SLC25A31: variants seen among roughly 807,000 people sequenced by gnomAD.
SLC25A31 encodes ADP/ATP translocase 4.
Under a neutral mutation model 36.2 loss-of-function variants are expected in SLC25A31, and 40 were observed. That is an observed-to-expected ratio of 1.10 (90% CI 0.86 to 1.44). SLC25A31 has a LOEUF of 1.44. Ranked by LOEUF, SLC25A31 falls within the 40% of genes most tolerant of loss-of-function variation. The pLI is 0.00. For synonymous variants in SLC25A31, 143 were observed against 149.7 expected, an observed-to-expected ratio of 0.96 and a Z score of 0.32; for missense variants, 350 against 397.1, an observed-to-expected ratio of 0.88 and a Z score of 1.01.
At chr4:127,773,325 A>C (rs1344574731) in intron 5 of SLC25A31, 61 bp from the exon 6 acceptor site, 4 of 1,467,268 alleles carry the variant, frequency 2.7e-6, no homozygotes, top group Non-Finnish European at 3.7e-6. Flanking sequence ...TGCTAATAGA[A>C]GACTGTCTTA....
At chr4:127,767,030 A>C (rs766020889) in intron 3 of SLC25A31, 36 bp from the exon 4 acceptor site, 1 of 1,566,458 alleles carries the variant, frequency 6.4e-7, no homozygotes, top group African/African-American at 1.4e-5. Context: ...TTGGATATAT[A>C]ATGTTGCTAA....
At chr4:127,731,759 C>T (rs1055137096) in intron 1 of SLC25A31, among the ~76,000 whole-genome samples, 3 of 151,998 alleles carry the variant, frequency 2.0e-5, no homozygotes, top group African/African-American at 7.3e-5. Flanking sequence ...GAGCTGTTCT[C>T]CTTTCTCTTT....
rs1204084523 is a variant in SLC25A31, at chr4:127,761,048, G to A, written c.361-3195G>A. Among the ~76,000 whole-genome samples, 3 of 152,212 alleles carry A rather than the reference G, an allele frequency of 2.0e-5. No homozygotes were observed. The East Asian group carries it at 5.8e-4, about 29-fold the overall frequency. ...CTTTTCTGGGTCTGTTTTATTTTCA[G>A]TCTTACTTGTGGAGGGACAGGCTTT... On this transcript the variant is annotated intron_variant, in intron 2 of 5. Transcript: ENST00000281154.
intron 1 of SLC25A31, among the ~76,000 whole-genome samples, chr4:127,742,152 T>G (rs1375533716): frequency 6.6e-6 from 1 of 152,232 alleles, no homozygotes; most frequent in African/African-American, 2.4e-5. Flanking sequence ...AGTCTCTATT[T>G]CATTTATTTC....
rs749398728 is a variant in SLC25A31, at chr4:127,773,502, A to C, written c.876A>C (p.Thr292=). Residue 292 remains threonine, a synonymous_variant, in exon 6 of 6, where the codon ACA becomes ACC. Transcript: ENST00000281154. ...CCTTCTCCAATGTTCTTCGCGGTAC[A>C]GGGGGTGCTTTGGTGTTGGTATTAT... is the stretch of plus-strand genomic sequence containing the variant. ...RGAFSNVLRG[T]GGALVLVLYD... is the part of the protein sequence containing the mutation. 6.2e-6 allele frequency: 10 copies of C among 1,613,734 alleles called. No individual in the cohort carries two copies. Among genetic ancestry groups the C allele is most frequent in the Non-Finnish European group, 8.5e-6 (10 of 1,179,890 alleles).
chr4:127,731,900 T>C (rs1731534555), intron 1 of SLC25A31, among the ~76,000 whole-genome samples: 2 of 152,128 alleles, frequency 1.3e-5, no homozygotes. Flanking sequence ...AAGTTTAAAA[T>C]AAAGATGGGA....
chr4:127,766,762 C>A (rs1732252531), intron 3 of SLC25A31, among the ~76,000 whole-genome samples: 1 of 152,206 alleles, frequency 6.6e-6, no homozygotes, highest in African/African-American at 2.4e-5. Flanking sequence ...CTCACCTGGC[C>A]TGTTTCAAAT....
intron 2 of SLC25A31, among the ~76,000 whole-genome samples, chr4:127,749,459 T>C (rs1473053653): frequency 6.6e-6 from 1 of 152,124 alleles, no homozygotes; most frequent in Non-Finnish European, 1.5e-5. Context: ...CAGGTGTGGA[T>C]GGGCACTGGT....
In SLC25A31 at chr4:127,770,674, G is replaced by A. The variant is rs1396354193; in HGVS notation, c.759+1797G>A. On this transcript the variant is annotated intron_variant, in intron 5 of 5. Transcript: ENST00000281154. ...TGCACTCGAGTGTTTAAGGATAAACGGCATGATGTCTGCAACCTAATCTCA... is the reference window on the plus strand; with the variant it reads ...TGCACTCGAGTGTTTAAGGATAAACAGCATGATGTCTGCAACCTAATCTCA... Among the ~76,000 whole-genome samples the A allele has an allele frequency of 1.3e-4, 19 of 151,774 alleles. No individual in the cohort carries two copies. In the East Asian group the frequency reaches 3.1e-3, roughly 25 times the overall value.
chr4:127,736,050 C>T (rs904127459), intron 1 of SLC25A31, among the ~76,000 whole-genome samples: 3 of 150,710 alleles, frequency 2.0e-5, no homozygotes, highest in Admixed American at 6.6e-5. Flanking sequence ...CTACCACGCC[C>T]GGCTAATTTT....
chr4:127,773,666 GT>G lies in SLC25A31; in HGVS notation c.*93del. The G allele has an allele frequency of 9.3e-7, 1 of 1,070,434 alleles. No homozygotes were observed. The highest frequency in any genetic ancestry group is 2.7e-5 in the East Asian group (1 of 37,674). 66.3% of individuals were successfully genotyped at this position (1,070,434 alleles called of 1,614,324 possible). A position where few individuals can be genotyped will look rare whatever the true frequency, so the allele number is the denominator to read the frequency against. On this transcript the variant is annotated 3_prime_UTR_variant, in exon 6 of 6. Coordinates refer to ENST00000281154, the MANE Select transcript of SLC25A31 (RefSeq NM_031291.4). ...TTGCATACATTTTGATAGTGTTATT[GT>G]CTGTATTTTGTTAAAGTGCTAGTTC...
chr4:127,745,621 T>C (rs1417436509), intron 2 of SLC25A31, among the ~76,000 whole-genome samples: 2 of 152,214 alleles, frequency 1.3e-5, no homozygotes, highest in East Asian at 3.8e-4. Flanking sequence ...TTAAATTTCC[T>C]TTTATGCTCT....
chr4:127,762,924 A>C (rs2148762999), intron 2 of SLC25A31, among the ~76,000 whole-genome samples: 1 of 143,866 alleles, frequency 7.0e-6, no homozygotes, highest in African/African-American at 2.5e-5. Flanking sequence ...ACTCTGTCTC[A>C]AAAAAAAAAA....
rs1334574440 is a variant in SLC25A31, at chr4:127,735,882, TTATTTATTTATTTA to T, written c.232+5107_232+5120del. 8.1e-3 allele frequency among the ~76,000 whole-genome samples: 552 copies of T among 68,022 alleles called. 10 individuals are homozygous for T. Among genetic ancestry groups the T allele is most frequent in the African/African-American group, 0.027 (528 of 19,340 alleles). The allele number at this position is 68,022 out of a possible 152,430, so 44.6% of individuals were successfully genotyped here. The stretch of plus-strand genomic sequence containing the variant: ...ACATTCTTTTATTTTATTTATTTAT[TTATTTATTTATTTA>T]TTTTTTTTTTTGAGACGGAGTCTCG... On this transcript the variant is annotated intron_variant, in intron 1 of 5. Coordinates refer to ENST00000281154, the MANE Select transcript of SLC25A31 (RefSeq NM_031291.4).
chr4:127,766,990 T>G (rs1171107256), intron 3 of SLC25A31, 76 bp from the exon 4 acceptor site: 1 of 1,266,014 alleles, frequency 7.9e-7, no homozygotes, highest in Non-Finnish European at 1.0e-6. Flanking sequence ...CATTTAGATC[T>G]GTAAAGGTTT....
rs1168659774 is a variant in SLC25A31, at chr4:127,764,502, CCTA to C, written c.478+143_478+145del. 4 of 566,224 alleles carry C rather than the reference CCTA, an allele frequency of 7.1e-6. No individual in the cohort carries two copies. In the African/African-American group the frequency reaches 7.6e-5, roughly 11 times the overall value. 35.1% of individuals were successfully genotyped at this position (566,224 alleles called of 1,614,324 possible). ...TCAACCAAATGGTGGAGTCATAGGG[CCTA>C]AAGTATATTACTTGCTTCTTTTCCC... On this transcript the variant is annotated intron_variant, in intron 3 of 5. Transcript: ENST00000281154.
intron 1 of SLC25A31, among the ~76,000 whole-genome samples, chr4:127,742,062 C>A (rs1410875625): frequency 2.6e-5 from 4 of 151,870 alleles, no homozygotes; most frequent in Admixed American, 2.0e-4. Context: ...TGTTTATCTT[C>A]TTCTAATAAA....
intron 5 of SLC25A31, among the ~76,000 whole-genome samples, chr4:127,771,104 A>G (rs1320242087): frequency 1.3e-5 from 2 of 151,268 alleles, no homozygotes; most frequent in Admixed American, 6.6e-5. Context: ...TTACAGGCAC[A>G]CGCTGCCACA....
chr4:127,743,762 C>A (rs1731774017), intron 1 of SLC25A31, among the ~76,000 whole-genome samples: 1 of 152,164 alleles, frequency 6.6e-6, no homozygotes. Context: ...ACTTATTTAA[C>A]AAATAATTAT....
Sources: allele counts gnomAD v4.1 joint callset (sites outside exome capture counted in the v4.1 genomes callset), GRCh38; gene constraint gnomAD v4.1.1; transcripts MANE v1.5; gene names NCBI Gene and HGNC (gene_info 2026-07-23, HGNC 2026-07-21).